EPG5: variants seen among roughly 807,000 people sequenced by gnomAD.
The protein encoded by EPG5 is ectopic P-granules 5 autophagy tethering factor.
A neutral mutation model predicts 302.7 loss-of-function variants in EPG5; 159 were observed. The observed-to-expected ratio is 0.53, with a 90% CI of 0.46 to 0.60. The LOEUF (loss-of-function observed/expected upper bound fraction) is 0.60, where lower values mean the gene tolerates loss of function less well. Ranked by LOEUF, EPG5 falls within the 20% of genes least tolerant of loss-of-function variation. The pLI, the probability that EPG5 is intolerant of heterozygous loss-of-function variation, is 0.00. For missense variants in EPG5, 2,896 were observed against 3,092.4 expected (o/e 0.94, Z 1.51); for synonymous variants, 1,158 against 1,136.8 (o/e 1.02, Z -0.37).
At chr18:45,950,430 G>C (rs534448956) in intron 4 of EPG5, among the ~76,000 whole-genome samples, 2 of 152,106 alleles carry the variant, frequency 1.3e-5, no homozygotes, top group East Asian at 3.9e-4. Context: ...GAGATCTGAT[G>C]GGTTTATCAG....
intron 34 of EPG5, 81 bp from the exon 35 acceptor site, chr18:45,876,423 A>C: frequency 8.8e-7 from 1 of 1,140,248 alleles, no homozygotes; most frequent in South Asian, 1.3e-5. Flanking sequence ...GGCTGGCCTA[A>C]GTCCTGGAAG....
chr18:45,936,470 G>A (rs966216496), intron 10 of EPG5, among the ~76,000 whole-genome samples: 5 of 152,184 alleles, frequency 3.3e-5, no homozygotes, highest in Non-Finnish European at 7.3e-5. Context: ...GCTCACGCCT[G>A]TAATCCCAAC....
intron 1 of EPG5, among the ~76,000 whole-genome samples, chr18:45,957,623 T>C (rs2051060868): frequency 1.3e-5 from 2 of 152,174 alleles, no homozygotes; most frequent in Admixed American, 1.3e-4. Flanking sequence ...GAGTGGTACA[T>C]CAAACATTTC....
the EPG5 span, among the ~76,000 whole-genome samples, chr18:45,824,231 G>C: frequency 6.6e-6 from 1 of 152,232 alleles, no homozygotes; most frequent in South Asian, 2.1e-4. Context: ...TTTTGAGACG[G>C]AGTCTCGCTC....
chr18:45,934,871 C>T lies in EPG5; in HGVS notation c.2195G>A (p.Ser732Asn), dbSNP rs762691864. The T allele has an allele frequency of 1.2e-6, 2 of 1,614,160 alleles. No homozygotes were observed. Among genetic ancestry groups the T allele is most frequent in the Non-Finnish European group, 1.7e-6 (2 of 1,180,016 alleles). Reference protein sequence around the residue: ...KLFYLMHQVESENLQQLSSSL... With the variant: ...KLFYLMHQVENENLQQLSSSL... ...GGAGGAGAGCTGCTGCAGGTTCTCG[C>T]TCTCCACCTGGTGCATGAGGTAGAA... Residue 732 changes from serine (S) to asparagine (N), a missense_variant, in exon 11 of 44, where the codon AGC becomes AAC. This residue lies in a region of EPG5 where 1,390 missense variants were observed against 1,430.0 expected (regional missense o/e 0.97). Coordinates refer to ENST00000282041, the MANE Select transcript of EPG5 (RefSeq NM_020964.3).
chr18:45,887,934 A>G (rs749153314), intron 28 of EPG5, 27 bp from the exon 29 acceptor site: 1 of 1,492,676 alleles, frequency 6.7e-7, no homozygotes, highest in South Asian at 1.3e-5. Flanking sequence ...GTAAGACTGC[A>G]GTCTACAGTA....
At position 45,917,816 on chromosome 18, in the gene EPG5, A is replaced by G. The variant is rs1363602539; in HGVS notation, c.3102T>C (p.Ile1034=). Residue 1034 remains isoleucine, a synonymous_variant, in exon 17 of 44, where the codon ATT becomes ATC. Transcript: ENST00000282041. ...ALSMTAVGHS[I]EKFCAEGIPL... ...GGATGCCTTCTGCACAGAACTTCTC[A>G]ATGCTATGGAAAAAGAGAAAGGCAC... is the stretch of plus-strand genomic sequence containing the variant. The G allele has an allele frequency of 6.2e-7, 1 of 1,613,884 alleles. No individual in the cohort carries two copies.
chr18:45,943,289 T>C lies in EPG5; in HGVS notation c.1815A>G (p.Thr605=). The part of the protein sequence containing the change: ...KAKGDYLPET[T]RPQEMMKIFA... ...AAATTTTCATCATCTCTTGAGGTCT[T>C]GTTGTTTCAGGTAAATAATCACCTA... Residue 605 remains threonine (T), a synonymous_variant, in exon 9 of 44, where the codon ACA becomes ACG. Coordinates refer to ENST00000282041, the MANE Select transcript of EPG5 (RefSeq NM_020964.3). 4 of 1,614,086 alleles carry C rather than the reference T, an allele frequency of 2.5e-6. No homozygotes were observed. Among genetic ancestry groups the C allele is most frequent in the Non-Finnish European group, 3.4e-6 (4 of 1,179,972 alleles).
intron 10 of EPG5, 27 bp downstream of exon 10, chr18:45,939,573 C>T: frequency 1.9e-6 from 3 of 1,610,896 alleles, no homozygotes; most frequent in Non-Finnish European, 2.5e-6. Context: ...TTACTTCTCA[C>T]TAAATATCAT....
chr18:45,954,329 G>C, intron 2 of EPG5, 65 bp downstream of exon 2: 1 of 1,441,758 alleles, frequency 6.9e-7, no homozygotes. Context: ...ACAGACTCCA[G>C]ACCTGGACAA....
chr18:45,966,568 ACT>A (rs904603531), intron 1 of EPG5, among the ~76,000 whole-genome samples: 2 of 151,158 alleles, frequency 1.3e-5, no homozygotes, highest in Non-Finnish European at 2.9e-5. Context: ...AATACAGGAA[ACT>A]CAGAAAATTC....
At chr18:45,812,058 C>A in the EPG5 span, among the ~76,000 whole-genome samples, 1 of 152,180 alleles carries the variant, frequency 6.6e-6, no homozygotes, top group African/African-American at 2.4e-5. Flanking sequence ...TGATAAGAAA[C>A]TTCAGCAAAG....
intron 43 of EPG5, 65 bp from the exon 44 acceptor site, chr18:45,852,714 C>G: frequency 2.2e-6 from 3 of 1,363,046 alleles, no homozygotes; most frequent in Non-Finnish European, 3.1e-6. Flanking sequence ...GCCAGAGGTA[C>G]AGCACACCCA....
Position 45,852,607 on chromosome 18 carries a change from C to T in EPG5, c.7600G>A (p.Val2534Ile). 6.2e-7 allele frequency: 1 copy of T among 1,614,170 alleles called. No individual in the cohort carries two copies. Among genetic ancestry groups the T allele is most frequent in the Non-Finnish European group, 8.5e-7 (1 of 1,180,024 alleles). ...TGCAATATTTGATCCTGGTATTCAACATACTGCTTACTTGATGCCATGGAT... is the reference window on the plus strand; with the variant it reads ...TGCAATATTTGATCCTGGTATTCAATATACTGCTTACTTGATGCCATGGAT... ...LESMASSKQY[V>I]EYQDQILQAT... Residue 2534 changes from valine to isoleucine, a missense_variant, in exon 44 of 44, where the codon GTT (valine) becomes ATT (isoleucine). By Grantham distance (29) the Val-to-Ile change is conservative. Transcript: ENST00000282041.
At chr18:45,932,202 T>G (rs986305986) in intron 11 of EPG5, among the ~76,000 whole-genome samples, 1 of 152,166 alleles carries the variant, frequency 6.6e-6, no homozygotes, top group Admixed American at 6.5e-5. Context: ...GAAAAGGCCT[T>G]ATATTTTAAA....
chr18:45,946,838 T>C (rs2050793387), intron 6 of EPG5, 70 bp from the exon 7 acceptor site: 1 of 1,235,414 alleles, frequency 8.1e-7, no homozygotes, highest in South Asian at 1.2e-5. Flanking sequence ...GATTCTCTAC[T>C]CACCCTGAAG....
At chr18:45,898,083 G>A (rs1310679229) in intron 27 of EPG5, among the ~76,000 whole-genome samples, 1 of 152,202 alleles carries the variant, frequency 6.6e-6, no homozygotes, top group Non-Finnish European at 1.5e-5. Flanking sequence ...AGGCTGGCCG[G>A]GTGCGGTGGC....
intron 13 of EPG5, among the ~76,000 whole-genome samples, chr18:45,927,718 C>T (rs1334851243): frequency 6.6e-6 from 1 of 151,874 alleles, no homozygotes; most frequent in African/African-American, 2.4e-5. Context: ...GGATATCATG[C>T]TAGCTGAAAT....
Position 45,913,716 on chromosome 18 carries a change from T to C in EPG5, c.3806A>G (p.Gln1269Arg). Residue 1269 changes from glutamine (Q) to arginine (R), a missense_variant, in exon 21 of 44, where the codon CAA (glutamine) becomes CGA (arginine). Transcript: ENST00000282041. ...LVINSAFTPDQALKKAQTQLK... is the reference protein window; with the variant it reads ...LVINSAFTPDRALKKAQTQLK... ...AACTGCTATTTGTACCTTCAGAGCT[T>C]GGTCAGGGGTGAAAGCAGAGTTTAT... is the stretch of plus-strand genomic sequence containing the variant. 1 of 1,614,112 alleles carries C rather than the reference T, an allele frequency of 6.2e-7. No individual in the cohort carries two copies. The highest frequency in any genetic ancestry group is 8.5e-7 in the Non-Finnish European group (1 of 1,179,986).
Sources: gnomAD v4.1 joint callset for allele counts (sites outside exome capture counted in the v4.1 genomes callset) on GRCh38, gnomAD v4.1.1 for gene constraint, gnomAD v4.1.1 regional missense constraint, MANE v1.5 for transcripts, NCBI Gene and HGNC (gene_info 2026-07-23, HGNC 2026-07-21) for gene names.